PDE4D: variants seen among roughly 807,000 people sequenced by gnomAD.
PDE4D encodes the protein phosphodiesterase 4D.
PDE4D carries 24 observed loss-of-function variants against 87.4 expected under a neutral mutation model. The ratio of observed to expected loss-of-function variants is 0.27; its 90% CI spans 0.20 to 0.39. The LOEUF (loss-of-function observed/expected upper bound fraction) is 0.39. Ranked by LOEUF, PDE4D falls within the 10% of genes least tolerant of loss-of-function variation. The pLI is 1.00. For missense variants in PDE4D, 714 were observed against 1,041.0 expected (o/e 0.69, Z 4.32); for synonymous variants, 384 against 383.2 (o/e 1.00, Z -0.02).
At chr5:60,153,519 G>C (rs1781701548) in intron 2 of PDE4D, among the ~76,000 whole-genome samples, 1 of 152,034 alleles carries the variant, frequency 6.6e-6, no homozygotes, top group Non-Finnish European at 1.5e-5. Flanking sequence ...TCTACTTCGG[G>C]GCATATATCC....
chr5:60,212,799 G>A (rs1583093083), intron 1 of PDE4D, among the ~76,000 whole-genome samples: 1 of 152,060 alleles, frequency 6.6e-6, no homozygotes, highest in Non-Finnish European at 1.5e-5. Flanking sequence ...TAATACTAGG[G>A]GTACACAGAA....
At chr5:59,191,895 A>G (rs560052077) in intron 3 of PDE4D, among the ~76,000 whole-genome samples, 2 of 152,262 alleles carry the variant, frequency 1.3e-5, no homozygotes, top group South Asian at 4.1e-4. Context: ...GTAATCAATT[A>G]AAAACCCTCA....
At chr5:59,677,627 G>C (rs1315714799) in intron 1 of PDE4D, among the ~76,000 whole-genome samples, 1 of 152,184 alleles carries the variant, frequency 6.6e-6, no homozygotes, top group Non-Finnish European at 1.5e-5. Flanking sequence ...AGTTCTATAT[G>C]CCTGTAAAAC....
intron 6 of PDE4D, among the ~76,000 whole-genome samples, chr5:59,026,286 A>T (rs1296263030): frequency 6.6e-6 from 1 of 152,236 alleles, no homozygotes; most frequent in South Asian, 2.1e-4. Context: ...AGTATCTAAA[A>T]GCAGAACTGA....
chr5:60,402,858 G>A (rs930571499), intron 1 of PDE4D, among the ~76,000 whole-genome samples: 1 of 152,108 alleles, frequency 6.6e-6, no homozygotes, highest in African/African-American at 2.4e-5. Context: ...TTATTATCAG[G>A]CACCCTGTAA....
chr5:59,771,058 G>A (rs1226842330), intron 1 of PDE4D, among the ~76,000 whole-genome samples: 1 of 151,930 alleles, frequency 6.6e-6, no homozygotes, highest in African/African-American at 2.4e-5. Context: ...CTTGAGCCTG[G>A]GAGGTTGAGG....
upstream of PDE4D, among the ~76,000 whole-genome samples, chr5:59,895,835 A>T (rs1424129573): frequency 6.6e-6 from 1 of 152,238 alleles, no homozygotes; most frequent in Non-Finnish European, 1.5e-5. Flanking sequence ...AATTGGAATA[A>T]TTCAAATCCA....
chr5:60,325,552 A>T (rs1756707101), intron 1 of PDE4D, among the ~76,000 whole-genome samples: 1 of 152,052 alleles, frequency 6.6e-6, no homozygotes. Context: ...AAAAATAAAA[A>T]CTGATCTAAG....
intron 1 of PDE4D, among the ~76,000 whole-genome samples, chr5:59,714,598 G>A (rs1302064611): frequency 6.6e-6 from 1 of 152,220 alleles, no homozygotes; most frequent in Non-Finnish European, 1.5e-5. Context: ...ACCGCTTGAT[G>A]ATGGAATTTG....
chr5:59,278,613 T>G (rs555151564), intron 1 of PDE4D, among the ~76,000 whole-genome samples: 5 of 152,138 alleles, frequency 3.3e-5, no homozygotes, highest in Non-Finnish European at 5.9e-5. Flanking sequence ...ATTCTTTCCA[T>G]ATTAGCATTC....
At chr5:60,375,909 C>CGG (rs1761393903) in intron 1 of PDE4D, among the ~76,000 whole-genome samples, 1 of 152,064 alleles carries the variant, frequency 6.6e-6, no homozygotes, top group African/African-American at 2.4e-5. Flanking sequence ...TGTGGTGGTA[C>CGG]GCGCCTGTAG....
intron 1 of PDE4D, among the ~76,000 whole-genome samples, chr5:59,819,616 C>T (rs1769402774): frequency 6.6e-6 from 1 of 152,136 alleles, no homozygotes; most frequent in Non-Finnish European, 1.5e-5. Flanking sequence ...TGGAGGAAAA[C>T]TTGATATTTG....
At chr5:60,392,933 G>A (rs1321479044) in intron 1 of PDE4D, among the ~76,000 whole-genome samples, 1 of 152,220 alleles carries the variant, frequency 6.6e-6, no homozygotes, top group Non-Finnish European at 1.5e-5. Flanking sequence ...TAAAAGAGGT[G>A]AAGATGTGCA....
chr5:60,056,171 A>T (rs998887039), intron 2 of PDE4D, among the ~76,000 whole-genome samples: 1 of 152,076 alleles, frequency 6.6e-6, no homozygotes, highest in African/African-American at 2.4e-5. Flanking sequence ...AAATTGCCTG[A>T]TTTCTTCATT....
intron 1 of PDE4D, among the ~76,000 whole-genome samples, chr5:59,808,815 G>C (rs1318724505): frequency 6.6e-6 from 1 of 152,046 alleles, no homozygotes; most frequent in African/African-American, 2.4e-5. Context: ...GCTTGCAAGA[G>C]TGGCCTCACA....
intron 1 of PDE4D, among the ~76,000 whole-genome samples, chr5:59,655,614 T>G (rs181696022): frequency 4.6e-5 from 7 of 152,156 alleles, no homozygotes; most frequent in Non-Finnish European, 8.8e-5. Context: ...GTTTGTTCTG[T>G]TTTGTTTTAT....
At chr5:59,219,182 C>T (rs958453185) in intron 1 of PDE4D, among the ~76,000 whole-genome samples, 11 of 144,758 alleles carry the variant, frequency 7.6e-5, no homozygotes, top group Admixed American at 6.2e-4. Flanking sequence ...TACCCTAAAA[C>T]TTAAAGTATA....
intron 1 of PDE4D, among the ~76,000 whole-genome samples, chr5:60,214,205 T>G (rs1743581902): frequency 6.6e-6 from 1 of 152,206 alleles, no homozygotes. Flanking sequence ...CAGAAAGTTT[T>G]CTACCACCAG....
chr5:59,428,609 A>T (rs1215701441), intron 1 of PDE4D, among the ~76,000 whole-genome samples: 1 of 152,170 alleles, frequency 6.6e-6, no homozygotes, highest in East Asian at 1.9e-4. Context: ...ATGACTCACC[A>T]TTCCAAGTGT....
Sources: gnomAD v4.1 joint callset for allele counts (sites outside exome capture counted in the v4.1 genomes callset) on GRCh38, gnomAD v4.1.1 for gene constraint, MANE v1.5 for transcripts, NCBI Gene and HGNC (gene_info 2026-07-23, HGNC 2026-07-21) for gene names.